SHMT1: variants seen among roughly 807,000 people sequenced by gnomAD.
The protein encoded by SHMT1 is serine hydroxymethyltransferase 1, also known as serine hydroxymethyltransferase, cytosolic.
SHMT1 carries 45 observed loss-of-function variants against 49.0 expected under a neutral mutation model. The ratio of observed to expected loss-of-function variants is 0.92; its 90% CI spans 0.72 to 1.18. The LOEUF (loss-of-function observed/expected upper bound fraction) is 1.18. Among genes scored for constraint, SHMT1 ranks in the 50% most tolerant of loss-of-function variants. The pLI, the probability that SHMT1 is intolerant of heterozygous loss-of-function variation, is 0.00. For synonymous variants in SHMT1, 232 were observed against 246.6 expected (o/e 0.94, Z 0.55); for missense variants, 541 against 612.4 (o/e 0.88, Z 1.23).
rs76462633 is a variant in SHMT1 at position 18,335,030 on chromosome 17, C to T, written c.931+529G>A. ...CAATGTCCTTGTTCCATGAAGGCAG[C>T]GGGATAACTCTTGAGTCATCACAAA... On this transcript the variant is annotated intron_variant, in intron 8 of 11. Coordinates refer to ENST00000316694, the MANE Select transcript of SHMT1 (RefSeq NM_004169.5). Among the ~76,000 whole-genome samples, 21 of 152,296 alleles carry T rather than the reference C, an allele frequency of 1.4e-4. No individual in the cohort carries two copies. In the East Asian group the frequency reaches 3.7e-3, roughly 27 times the overall value.
intron 1 of SHMT1, among the ~76,000 whole-genome samples, chr17:18,358,939 T>A (rs907273100): frequency 4.6e-5 from 7 of 151,714 alleles, no homozygotes; most frequent in African/African-American, 1.7e-4. Context: ...AAAGGACTTG[T>A]TTGAATATAA....
chr17:18,341,295 C>T (rs1011254728), intron 5 of SHMT1: 1 of 193,194 alleles, frequency 5.2e-6, no homozygotes, highest in African/African-American at 2.4e-5. Context: ...TGCTAGGGGC[C>T]AACTGTTAGA....
At chr17:18,359,629 G>A (rs141046843) in intron 1 of SHMT1, among the ~76,000 whole-genome samples, 68 of 151,576 alleles carry the variant, frequency 4.5e-4, no homozygotes, top group African/African-American at 1.6e-3. Context: ...TCCAGTCTGG[G>A]TGACAGAGTG....
At chr17:18,347,463 G>A (rs1985200634) in intron 5 of SHMT1, 33 bp downstream of exon 5, 2 of 1,611,654 alleles carry the variant, frequency 1.2e-6, no homozygotes, top group African/African-American at 2.7e-5. Context: ...GTTTCCCAAG[G>A]AAATAAAAGC....
At chr17:18,357,791 G>A (rs554323698) in intron 1 of SHMT1, among the ~76,000 whole-genome samples, 8 of 151,362 alleles carry the variant, frequency 5.3e-5, no homozygotes, top group African/African-American at 1.9e-4. Flanking sequence ...ACCAGCCTGG[G>A]CATTGCTACA....
rs543129560 is a variant in SHMT1 at position 18,346,844 on chromosome 17, C to A, written c.519+652G>T. On this transcript the variant is annotated intron_variant, in intron 5 of 11. Transcript: ENST00000316694. ...CTCATGTAATCTACTGAATACTGTACTGAAACTGAAAAGCAGAATGGTCGT... is the reference window on the plus strand; with the variant it reads ...CTCATGTAATCTACTGAATACTGTAATGAAACTGAAAAGCAGAATGGTCGT... Among the ~76,000 whole-genome samples the A allele has an allele frequency of 4.6e-5, 7 of 152,268 alleles. No individual in the cohort carries two copies. In the South Asian group the frequency reaches 8.3e-4, roughly 18 times the overall value.
At chr17:18,360,477 T>C (rs1454305256) in intron 1 of SHMT1, 4 of 151,462 alleles carry the variant, frequency 2.6e-5, no homozygotes, top group Non-Finnish European at 5.9e-5. Flanking sequence ...GGATGATCAC[T>C]TGAGTCCCGG....
intron 3 of SHMT1, among the ~76,000 whole-genome samples, chr17:18,350,992 C>T (rs188743304): frequency 2.7e-4 from 41 of 152,058 alleles, no homozygotes; most frequent in African/African-American, 8.9e-4. Flanking sequence ...CTCAGCCTCC[C>T]GAAGTGCTGG....
At chr17:18,331,172 AAC>A (rs1205387864) in intron 9 of SHMT1, 15 of 271,186 alleles carry the variant, frequency 5.5e-5, no homozygotes, top group Non-Finnish European at 8.7e-5. Flanking sequence ...CAGCAAGGCT[AAC>A]AGAGTTTTCT....
At position 18,353,722 on chromosome 17, in the gene SHMT1, G is replaced by A. The variant is rs1425720273; in HGVS notation, c.192C>T (p.Ala64=). ...ENFASRAVLE[A]LGSCLNNKYS... ...ATTTGTTATTTAAGCAAGAGCCTAG[G>A]GCCTCCAAAACTGCTCGGCTGGCGA... The change falls in exon 3 of 12, where the codon GCC becomes GCT. Residue 64 remains alanine, a synonymous_variant. Coordinates refer to ENST00000316694, the MANE Select transcript of SHMT1 (RefSeq NM_004169.5). 1.9e-6 allele frequency: 3 copies of A among 1,614,028 alleles called. No individual in the cohort carries two copies. The highest frequency in any genetic ancestry group is 1.7e-6 in the Non-Finnish European group (2 of 1,180,016).
chr17:18,360,147 G>T (rs1175677731), intron 1 of SHMT1, among the ~76,000 whole-genome samples: 1 of 151,934 alleles, frequency 6.6e-6, no homozygotes, highest in Non-Finnish European at 1.5e-5. Context: ...TATGCGGGAG[G>T]CTGAGGTAGG....
intron 5 of SHMT1, among the ~76,000 whole-genome samples, chr17:18,346,642 A>G (rs538845187): frequency 2.6e-5 from 4 of 152,254 alleles, no homozygotes; most frequent in African/African-American, 9.6e-5. Flanking sequence ...TTACATTCCA[A>G]TAAGCTCATC....
intron 4 of SHMT1, 114 bp from the exon 5 acceptor site, chr17:18,347,770 C>T: frequency 6.3e-6 from 7 of 1,114,338 alleles, no homozygotes; most frequent in Non-Finnish European, 6.6e-6. Context: ...GGCCTTGTAC[C>T]TTCCCTGAGC....
chr17:18,329,648 T>C (rs1339627830), intron 10 of SHMT1, among the ~76,000 whole-genome samples: 1 of 152,156 alleles, frequency 6.6e-6, no homozygotes, highest in Non-Finnish European at 1.5e-5. Context: ...GTAACATCTG[T>C]CTGGGTCTGA....
chr17:18,338,236 A>G (rs1211283566), intron 7 of SHMT1, among the ~76,000 whole-genome samples: 1 of 147,742 alleles, frequency 6.8e-6, no homozygotes, highest in African/African-American at 2.5e-5. Flanking sequence ...CCCGTCTGGG[A>G]GGTGAGGAGG....
intron 5 of SHMT1, among the ~76,000 whole-genome samples, chr17:18,342,419 C>T (rs1163699070): frequency 4.6e-5 from 7 of 151,942 alleles, no homozygotes; most frequent in Admixed American, 2.0e-4. Context: ...CAGGCTCAAG[C>T]GATTCTCCCA....
intron 5 of SHMT1, among the ~76,000 whole-genome samples, chr17:18,346,639 C>A (rs1048132458): frequency 6.6e-6 from 1 of 152,056 alleles, no homozygotes; most frequent in Non-Finnish European, 1.5e-5. Context: ...GGGTTACATT[C>A]CAATAAGCTC....
intron 5 of SHMT1, among the ~76,000 whole-genome samples, chr17:18,344,498 T>A (rs2151585826): frequency 7.1e-6 from 1 of 141,496 alleles, no homozygotes; most frequent in Middle Eastern, 4.0e-3. Flanking sequence ...GAGATCTTGT[T>A]CTCCACAAAA....
Position 18,340,351 on chromosome 17 carries a change from CAG to C in SHMT1, c.602-98_602-97del, listed in dbSNP as rs977487073. The C allele has an allele frequency of 1.5e-6, 2 of 1,299,352 alleles. No homozygotes were observed. The highest frequency in any genetic ancestry group is 1.5e-5 in the African/African-American group (1 of 68,560). The allele number at this position is 1,299,352 out of a possible 1,614,324, so 80.5% of individuals were successfully genotyped here. On this transcript the variant is annotated intron_variant, in intron 6 of 11. Coordinates refer to ENST00000316694, the MANE Select transcript of SHMT1 (RefSeq NM_004169.5). The surrounding 1 kb of genome is among the most constrained non-coding windows in gnomAD (Gnocchi z 4.5). ...CTCTAGATGTGCAGATCTGAAAGCC[CAG>C]AGATTTCTTCCCTTAAAGTCTCAGA...
Sources: gnomAD v4.1 joint callset for allele counts (sites outside exome capture counted in the v4.1 genomes callset) on GRCh38, gnomAD v4.1.1 for gene constraint, Gnocchi (gnomAD v3.1) non-coding constraint, MANE v1.5 for transcripts, NCBI Gene and HGNC (gene_info 2026-07-23, HGNC 2026-07-21) for gene names.